Variants in UGT1A4 observed in about 807,000 individuals in gnomAD.
UGT1A4 encodes UDP glucuronosyltransferase family 1 member A4.
Under a neutral mutation model 41.1 loss-of-function variants are expected in UGT1A4, and 32 were observed. The ratio of observed to expected loss-of-function variants is 0.78; its 90% CI spans 0.59 to 1.05. The LOEUF (loss-of-function observed/expected upper bound fraction) is 1.05. Among genes scored for constraint, UGT1A4 ranks in the 50% least tolerant of loss-of-function variants. The probability of loss-of-function intolerance (pLI) is 0.00; values close to 1 mark genes in which losing one functional copy is unlikely to be tolerated. For synonymous variants in UGT1A4, 283 were observed against 265.1 expected (o/e 1.07, Z -0.66); for missense variants, 748 against 677.4 (o/e 1.10, Z -1.16).
chr2:233,767,741 T>TA (rs1481527437), intron 2 of UGT1A4, 108 bp from the exon 3 acceptor site: 1 of 1,582,034 alleles, frequency 6.3e-7, no homozygotes, highest in Non-Finnish European at 8.6e-7. Context: ...CCCACTCTGT[T>TA]AAAGACTGTT....
intron 1 of UGT1A4, among the ~76,000 whole-genome samples, chr2:233,728,307 G>A (rs539087597): frequency 3.9e-5 from 6 of 152,202 alleles, no homozygotes; most frequent in Admixed American, 1.3e-4. Context: ...GACTGTGCAA[G>A]ATCTGAGGCC....
intron 1 of UGT1A4, among the ~76,000 whole-genome samples, chr2:233,732,898 G>C (rs1347576081): frequency 6.6e-6 from 1 of 151,914 alleles, no homozygotes; most frequent in Non-Finnish European, 1.5e-5. Flanking sequence ...AATTACCTTG[G>C]GCAGTATGGC....
At chr2:233,748,093 C>A (rs1693864089) in intron 1 of UGT1A4, 3 of 1,612,862 alleles carry the variant, frequency 1.9e-6, no homozygotes, top group African/African-American at 1.3e-5. Context: ...GGTGTTCGTG[C>A]CTTCATCCAA....
intron 1 of UGT1A4, among the ~76,000 whole-genome samples, chr2:233,727,594 G>A (rs2077631064): frequency 6.6e-6 from 1 of 152,304 alleles, no homozygotes; most frequent in African/African-American, 2.4e-5. Flanking sequence ...GTTTTAAGGG[G>A]GTTGGAGGAA....
At chr2:233,747,308 T>C in intron 1 of UGT1A4, 5 of 1,602,886 alleles carry the variant, frequency 3.1e-6, no homozygotes, top group Non-Finnish European at 4.3e-6. Context: ...GGGAAGGTGC[T>C]GGTGGTACCC....
At position 233,769,757 on chromosome 2, in the gene UGT1A4, A is replaced by G; in HGVS notation, c.1307+1318A>G. 7.1e-7 allele frequency: 1 copy of G among 1,417,082 alleles called. No individual in the cohort carries two copies. Among genetic ancestry groups the G allele is most frequent in the Non-Finnish European group, 9.2e-7 (1 of 1,082,860 alleles). 87.8% of individuals were successfully genotyped at this position (1,417,082 alleles called of 1,614,324 possible). A position where few individuals can be genotyped will look rare whatever the true frequency, so the allele number is the denominator to read the frequency against. On this transcript the variant is annotated intron_variant, in intron 4 of 4. Coordinates refer to ENST00000373409, the MANE Select transcript of UGT1A4 (RefSeq NM_007120.3). The surrounding 1 kb of genome is among the most constrained non-coding windows in gnomAD (Gnocchi z 4.4). ...GTAGTCCCAGCCACTCTGGAGGCTA[A>G]GGCGGGAGGATTGCTTGAGCCCAGA...
chr2:233,752,891 G>A (rs76026343), intron 1 of UGT1A4, among the ~76,000 whole-genome samples: 3,078 of 152,286 alleles, frequency 0.02, 63 homozygotes, highest in Non-Finnish European at 0.029. Context: ...ACTAGCCAGC[G>A]TTGTTACAGA....
chr2:233,744,844 A>C (rs1390116888), intron 1 of UGT1A4, among the ~76,000 whole-genome samples: 1 of 151,966 alleles, frequency 6.6e-6, no homozygotes, highest in African/African-American at 2.4e-5. Context: ...AGTCTAGCAG[A>C]GTAGTCCTTG....
intron 1 of UGT1A4, among the ~76,000 whole-genome samples, chr2:233,722,899 G>A (rs1015320069): frequency 7.8e-6 from 1 of 128,092 alleles, no homozygotes; most frequent in Non-Finnish European, 1.7e-5. Flanking sequence ...AGTGGAAGTG[G>A]ATCATCATAA....
At chr2:233,771,544 A>C (rs1300566643) in intron 4 of UGT1A4, 1 of 152,264 alleles carries the variant, frequency 6.6e-6, no homozygotes, top group Non-Finnish European at 1.5e-5. Flanking sequence ...GGCACTTACA[A>C]ATGGCTGTTA....
intron 1 of UGT1A4, among the ~76,000 whole-genome samples, chr2:233,724,578 C>T (rs1404328313): frequency 0.029 from 3,589 of 123,690 alleles, 110 homozygotes; most frequent in African/African-American, 0.043. Context: ...GGGGCAGAGG[C>T]GCTCCCCACA....
chr2:233,724,248 C>A (rs1157079277), intron 1 of UGT1A4, among the ~76,000 whole-genome samples: 1 of 130,578 alleles, frequency 7.7e-6, no homozygotes, highest in Admixed American at 7.2e-5. Context: ...GGCAGAGGCG[C>A]CCCTCACCTC....
chr2:233,722,721 T>C (rs2077032481), intron 1 of UGT1A4, among the ~76,000 whole-genome samples: 1 of 152,212 alleles, frequency 6.6e-6, no homozygotes, highest in African/African-American at 2.4e-5. Flanking sequence ...TATCAGTTTT[T>C]AAATTTCTCC....
Position 233,718,875 on chromosome 2 carries a change from C to G in UGT1A4, c.55C>G (p.Leu19Val). ...GCGGCTGGCCACAGGACTGCTGCTC[C>G]TCCTCAGTGTCCAGCCCTGGGCTGA... is the stretch of plus-strand genomic sequence containing the variant. ...LPRLATGLLLLLSVQPWAESG... is the reference protein window; with the variant it reads ...LPRLATGLLLVLSVQPWAESG... The change falls in exon 1 of 5, where the codon CTC becomes GTC. Residue 19 changes from leucine to valine, a missense_variant. By Grantham distance (32) the Leu-to-Val change is conservative (BLOSUM62 1). Coordinates refer to ENST00000373409, the MANE Select transcript of UGT1A4 (RefSeq NM_007120.3). 1 of 1,613,984 alleles carries G rather than the reference C, an allele frequency of 6.2e-7. No homozygotes were observed. The highest frequency in any genetic ancestry group is 8.5e-7 in the Non-Finnish European group (1 of 1,179,932).
At chr2:233,755,085 C>T (rs753098995) in intron 1 of UGT1A4, 1 of 1,335,532 alleles carries the variant, frequency 7.5e-7, no homozygotes, top group Non-Finnish European at 1.0e-6. Flanking sequence ...ATAGATATCG[C>T]GTTTCTACGC....
intron 1 of UGT1A4, among the ~76,000 whole-genome samples, chr2:233,752,079 A>T (rs1159289644): frequency 6.6e-6 from 1 of 152,210 alleles, no homozygotes; most frequent in Non-Finnish European, 1.5e-5. Flanking sequence ...AAGTCTCTCT[A>T]CCTGTTTGGA....
Position 233,748,244 on chromosome 2 carries a change from G to A in UGT1A4, c.868-18790G>A, listed in dbSNP as rs181996074. Among the ~76,000 whole-genome samples the A allele has an allele frequency of 5.8e-4, 88 of 151,858 alleles. 1 individual carries two copies. Among genetic ancestry groups the A allele is most frequent in the African/African-American group, 1.9e-3 (79 of 41,160 alleles). ...AAACTGTTAAGGGGTCTCTAGTAGCGTATTTCAGGTTTTAAATGGTCAATG... is the reference window on the plus strand; with the variant it reads ...AAACTGTTAAGGGGTCTCTAGTAGCATATTTCAGGTTTTAAATGGTCAATG... On this transcript the variant is annotated intron_variant, in intron 1 of 4. Transcript: ENST00000373409.
At chr2:233,759,349 A>C (rs900901642) in intron 1 of UGT1A4, among the ~76,000 whole-genome samples, 1 of 152,146 alleles carries the variant, frequency 6.6e-6, no homozygotes, top group African/African-American at 2.4e-5. Context: ...GAGCGCTGAA[A>C]ATCTCAACTA....
chr2:233,729,874 A>C (rs1272831634), intron 1 of UGT1A4: 1 of 1,613,832 alleles, frequency 6.2e-7, no homozygotes, highest in Non-Finnish European at 8.5e-7. Flanking sequence ...GGATATTCTC[A>C]GTCATGCATC....
Sources: allele counts gnomAD v4.1 joint callset (sites outside exome capture counted in the v4.1 genomes callset), GRCh38; gene constraint gnomAD v4.1.1; non-coding constraint Gnocchi (gnomAD v3.1); transcripts MANE v1.5; gene names NCBI Gene and HGNC (gene_info 2026-07-23, HGNC 2026-07-21).